The following CCDC178 variants were observed in gnomAD, a reference collection of about 807,000 sequenced individuals.
The protein encoded by CCDC178 is coiled-coil domain-containing protein 178.
Under a neutral mutation model 117.4 loss-of-function variants are expected in CCDC178, and 126 were observed. The ratio of observed to expected loss-of-function variants is 1.07; its 90% CI spans 0.93 to 1.24. CCDC178 has a LOEUF of 1.24. Ranked by LOEUF, CCDC178 falls within the 50% of genes most tolerant of loss-of-function variation. CCDC178 has a pLI of 0.00. For synonymous variants in CCDC178, 283 were observed against 313.4 expected (o/e 0.90, Z 1.02); for missense variants, 1,030 against 986.9 (o/e 1.04, Z -0.59).
chr18:33,073,048 C>A (rs1190358958), intron 21 of CCDC178, among the ~76,000 whole-genome samples: 1 of 152,016 alleles, frequency 6.6e-6, no homozygotes, highest in Non-Finnish European at 1.5e-5. Context: ...TTTTCAAAAT[C>A]TCATAAAATT....
intron 11 of CCDC178, among the ~76,000 whole-genome samples, chr18:33,313,400 G>T (rs541553494): frequency 6.6e-6 from 1 of 152,264 alleles, no homozygotes; most frequent in South Asian, 2.1e-4. Context: ...TGCCACTTTT[G>T]CCTTCCTTCC....
At chr18:33,228,956 T>G in intron 15 of CCDC178, among the ~76,000 whole-genome samples, 1 of 152,076 alleles carries the variant, frequency 6.6e-6, no homozygotes. Flanking sequence ...CAGGGAGAGC[T>G]CTGATGGTCA....
intron 21 of CCDC178, among the ~76,000 whole-genome samples, chr18:33,027,096 A>G (rs531483443): frequency 6.6e-6 from 1 of 151,998 alleles, no homozygotes; most frequent in East Asian, 1.9e-4. Context: ...AAACGCAGAA[A>G]GAAATAATCA....
At chr18:33,191,628 T>C (rs1329914058) in intron 20 of CCDC178, among the ~76,000 whole-genome samples, 1 of 152,162 alleles carries the variant, frequency 6.6e-6, no homozygotes, top group African/African-American at 2.4e-5. Context: ...TTCACAGATA[T>C]GCATTGAAGA....
At chr18:33,061,444 T>C (rs2056918495) in intron 21 of CCDC178, among the ~76,000 whole-genome samples, 1 of 152,180 alleles carries the variant, frequency 6.6e-6, no homozygotes, top group Non-Finnish European at 1.5e-5. Flanking sequence ...TACTTGAGTA[T>C]ATTTTGATGT....
At chr18:32,984,409 T>C (rs2055219922) in intron 21 of CCDC178, among the ~76,000 whole-genome samples, 1 of 151,936 alleles carries the variant, frequency 6.6e-6, no homozygotes, top group East Asian at 1.9e-4. Context: ...CACTATTACA[T>C]ATAACAGATA....
chr18:33,316,953 G>A (rs986398639), intron 11 of CCDC178, among the ~76,000 whole-genome samples: 9 of 151,856 alleles, frequency 5.9e-5, no homozygotes, highest in African/African-American at 1.7e-4. Context: ...GATTGTAAAC[G>A]CACCAATCAG....
rs150638627 is a variant in CCDC178 at position 33,423,302 on chromosome 18, C to T, written c.-22-11192G>A. ...CAGTATATTTTTACCACATGTATGT[C>T]CTCCAAACAAAATACTGTGTAGTGT... On this transcript the variant is annotated intron_variant, in intron 2 of 22. Coordinates refer to ENST00000383096, the MANE Select transcript of CCDC178 (RefSeq NM_001105528.4). Among the ~76,000 whole-genome samples, 5 of 152,238 alleles carry T rather than the reference C, an allele frequency of 3.3e-5. No individual in the cohort carries two copies. In the East Asian group the frequency reaches 5.8e-4, roughly 18 times the overall value.
intron 5 of CCDC178, among the ~76,000 whole-genome samples, chr18:33,381,709 C>T (rs2063440704): frequency 6.6e-6 from 1 of 152,092 alleles, no homozygotes; most frequent in Non-Finnish European, 1.5e-5. Context: ...GCAAATTGGT[C>T]TTAGTCAAAA....
intron 6 of CCDC178, among the ~76,000 whole-genome samples, chr18:33,358,416 CTG>C (rs1218821957): frequency 6.6e-6 from 1 of 151,658 alleles, no homozygotes; most frequent in African/African-American, 2.4e-5. Context: ...ATGTAAATGA[CTG>C]AAAGCAGATA....
At chr18:33,191,712 C>G (rs186066431) in intron 20 of CCDC178, among the ~76,000 whole-genome samples, 2 of 151,932 alleles carry the variant, frequency 1.3e-5, no homozygotes, top group African/African-American at 2.4e-5. Flanking sequence ...TATGCCTTGT[C>G]ATCTGTACTT....
intron 14 of CCDC178, among the ~76,000 whole-genome samples, chr18:33,260,790 G>GT (rs1441474169): frequency 5.4e-5 from 8 of 149,382 alleles, no homozygotes; most frequent in East Asian, 2.0e-4. Context: ...CTTTTTTTTT[G>GT]TTTTTTTTCA....
intron 14 of CCDC178, among the ~76,000 whole-genome samples, chr18:33,255,762 T>G (rs978290891): frequency 2.0e-5 from 3 of 151,934 alleles, no homozygotes; most frequent in Non-Finnish European, 4.4e-5. Context: ...GGACAGGAGA[T>G]GGAGCAAGGG....
At chr18:33,143,995 T>C (rs1269605387) in intron 20 of CCDC178, among the ~76,000 whole-genome samples, 2 of 152,056 alleles carry the variant, frequency 1.3e-5, no homozygotes, top group African/African-American at 4.8e-5. Context: ...AAACATGCCA[T>C]AAATTTACTT....
At chr18:33,229,215 T>C (rs2059343085) in intron 15 of CCDC178, among the ~76,000 whole-genome samples, 1 of 152,098 alleles carries the variant, frequency 6.6e-6, no homozygotes, top group African/African-American at 2.4e-5. Context: ...CAGCAAACCA[T>C]GAGCAATAAT....
chr18:33,315,264 G>A lies in CCDC178; in HGVS notation c.1022+8227C>T, dbSNP rs567043749. Among the ~76,000 whole-genome samples, 5 of 152,270 alleles carry A rather than the reference G, an allele frequency of 3.3e-5. No individual in the cohort carries two copies. The South Asian group carries it at 8.3e-4, about 25-fold the overall frequency. On this transcript the variant is annotated intron_variant, in intron 11 of 22. Coordinates refer to ENST00000383096, the MANE Select transcript of CCDC178 (RefSeq NM_001105528.4). ...TTTGATTATCTCTTGGCAAAAAAAG[G>A]TGAGGTACGTGTGGTCACCAGCTCT...
intron 21 of CCDC178, among the ~76,000 whole-genome samples, chr18:33,081,138 G>C (rs2057290834): frequency 6.6e-6 from 1 of 152,070 alleles, no homozygotes; most frequent in Non-Finnish European, 1.5e-5. Context: ...GTACTCTATA[G>C]GTTTCTTTAG....
chr18:33,053,683 A>G (rs1471559210), intron 21 of CCDC178, among the ~76,000 whole-genome samples: 1 of 152,184 alleles, frequency 6.6e-6, no homozygotes, highest in African/African-American at 2.4e-5. Context: ...TCGAAAAAAG[A>G]AAAATATATA....
intron 20 of CCDC178, among the ~76,000 whole-genome samples, chr18:33,171,818 T>G (rs528726420): frequency 1.2e-4 from 19 of 152,352 alleles, no homozygotes; most frequent in African/African-American, 4.6e-4. Context: ...TGCCTGGCAA[T>G]GAATTGAATT....
Sources: allele counts gnomAD v4.1 joint callset (sites outside exome capture counted in the v4.1 genomes callset), GRCh38; gene constraint gnomAD v4.1.1; transcripts MANE v1.5; gene names NCBI Gene and HGNC (gene_info 2026-07-23, HGNC 2026-07-21).